The following B4GALNT1 variants were observed in gnomAD, a reference collection of about 807,000 sequenced individuals.
B4GALNT1 encodes beta-1,4-N-acetyl-galactosaminyltransferase 1, also known as beta-1,4 N-acetylgalactosaminyltransferase 1.
A neutral mutation model predicts 55.2 loss-of-function variants in B4GALNT1; 43 were observed. The ratio of observed to expected loss-of-function variants is 0.78; its 90% confidence interval spans 0.61 to 1.00. The LOEUF is 1.00. Among genes scored for constraint, B4GALNT1 ranks in the 50% least tolerant of loss-of-function variants. The pLI, the probability that B4GALNT1 is intolerant of heterozygous loss-of-function variation, is 0.00. For synonymous variants in B4GALNT1, 305 were observed against 311.6 expected (o/e 0.98, Z 0.22); for missense variants, 664 against 729.7 (o/e 0.91, Z 1.04).
Position 57,631,076 on chromosome 12 carries a change from G to C in B4GALNT1, c.394C>G (p.Pro132Ala). Reference protein sequence around the residue: ...FQAFLSRSQSPADQLLIAPAN... With the variant: ...FQAFLSRSQSAADQLLIAPAN... ...GGGGCTATGAGCAGCTGGTCAGCTG[G>C]GGACTGGCTCCTGGCAGTGGAGGAA... Residue 132 changes from proline to alanine, a missense_variant, in exon 4 of 11, where the codon CCA (proline) becomes GCA (alanine). Physicochemically the swap from Pro to Ala is conservative, Grantham distance 27 (BLOSUM62 -1). Transcript: ENST00000341156. 1.2e-6 allele frequency: 2 copies of C among 1,611,782 alleles called. No individual in the cohort carries two copies. Among genetic ancestry groups the C allele is most frequent in the Non-Finnish European group, 1.7e-6 (2 of 1,179,004 alleles).
Position 57,625,818 on chromosome 12 carries a change from G to A in B4GALNT1, c.*926C>T, listed in dbSNP as rs1884773014. On this transcript the variant is annotated 3_prime_UTR_variant, in exon 11 of 11. Coordinates refer to ENST00000341156, the MANE Select transcript of B4GALNT1 (RefSeq NM_001478.5). ...GTCTGAGGAAGATCAAGAAGAAAAG[G>A]GTGGGGACGGAATGAATAGTAGATT... The A allele has an allele frequency of 1.4e-6, 2 of 1,456,394 alleles. No individual in the cohort carries two copies. Among genetic ancestry groups the A allele is most frequent in the African/African-American group, 2.8e-5 (2 of 70,948 alleles). The allele number at this position is 1,456,394 out of a possible 1,614,324, so 90.2% of individuals were successfully genotyped here. A position where few individuals can be genotyped will look rare whatever the true frequency, so the allele number is the denominator to read the frequency against.
rs752528723 is a variant in B4GALNT1 at position 57,628,260 on chromosome 12, G to A, written c.1005C>T (p.Gly335=). 3.7e-6 allele frequency: 6 copies of A among 1,614,270 alleles called. No homozygotes were observed. Among genetic ancestry groups the A allele is most frequent in the Non-Finnish European group, 5.1e-6 (6 of 1,180,048 alleles). Residue 335 remains glycine (G), a splice_region_variant and synonymous_variant, in exon 9 of 11, where the codon GGC becomes GGT. Transcript: ENST00000341156. ...VEHYLMPFGK[G]WFAGRNLAVS... is the part of the protein sequence containing the mutation. ...CGGCCAGGTTCCGGCCTGCGAACCA[G>A]CCCTGGCAGAAAGGTGTGTGTGGTT...
intron 1 of B4GALNT1, 128 bp downstream of exon 1, chr12:57,632,644 A>T (rs1436084279): frequency 1.0e-5 from 2 of 194,752 alleles, no homozygotes; most frequent in Non-Finnish European, 2.1e-5. Flanking sequence ...AGGTGACCCG[A>T]TGAGTGGCCT....
Position 57,626,621 on chromosome 12 carries a change from T to G in B4GALNT1, c.*123A>C. On this transcript the variant is annotated 3_prime_UTR_variant, in exon 11 of 11. Transcript: ENST00000341156. ...GGCATCAGGTTCTGAAAAGGAAGAG[T>G]GAGGAACTAGAGGCTCAGGGACAGC... 2 of 1,132,584 alleles carry G rather than the reference T, an allele frequency of 1.8e-6. No homozygotes were observed. Among genetic ancestry groups the G allele is most frequent in the Non-Finnish European group, 2.6e-6 (2 of 772,166 alleles). The allele number at this position is 1,132,584 out of a possible 1,614,324, so 70.2% of individuals were successfully genotyped here.
At position 57,630,231 on chromosome 12, in the gene B4GALNT1, T is replaced by C. The variant is rs781306244; in HGVS notation, c.633A>G (p.Pro211=). Residue 211 remains proline (P), a synonymous_variant, in exon 6 of 11, where the codon CCA becomes CCG. Coordinates refer to ENST00000341156, the MANE Select transcript of B4GALNT1 (RefSeq NM_001478.5). ...GTTGCCTGTTGAGTTGGTCCAGCCC[T>C]GGGCTGACAAGGGTGAGATCTGCCT... ...EGQADLTLVS[P]GLDQLNRQLQ... The C allele has an allele frequency of 2.5e-6, 4 of 1,614,108 alleles. No homozygotes were observed. Among genetic ancestry groups the C allele is most frequent in the East Asian group, 4.5e-5 (2 of 44,900 alleles).
Position 57,625,926 on chromosome 12 carries a change from A to G in B4GALNT1, c.*818T>C, listed in dbSNP as rs1436658315. 2 of 582,140 alleles carry G rather than the reference A, an allele frequency of 3.4e-6. No individual in the cohort carries two copies. Among genetic ancestry groups the G allele is most frequent in the East Asian group, 6.2e-5 (2 of 32,362 alleles). The allele number at this position is 582,140 out of a possible 1,614,324, so 36.1% of individuals were successfully genotyped here. ...TCCCTAAGTAGGTGGGGTACCCCTG[A>G]GAGGACTGCCACATTTCATTAAGGA... On this transcript the variant is annotated 3_prime_UTR_variant, in exon 11 of 11. Coordinates refer to ENST00000341156, the MANE Select transcript of B4GALNT1 (RefSeq NM_001478.5).
intron 8 of B4GALNT1, 52 bp from the exon 9 acceptor site, chr12:57,628,314 C>G: frequency 6.2e-7 from 1 of 1,605,688 alleles, no homozygotes; most frequent in Non-Finnish European, 8.5e-7. Flanking sequence ...GGACATGGCC[C>G]TCTGCCACCT....
chr12:57,626,627 A>C lies in B4GALNT1; in HGVS notation c.*117T>G. On this transcript the variant is annotated 3_prime_UTR_variant, in exon 11 of 11. Transcript: ENST00000341156. ...AGGTTCTGAAAAGGAAGAGTGAGGA[A>C]CTAGAGGCTCAGGGACAGCCAGTAG... is the stretch of plus-strand genomic sequence containing the variant. The C allele has an allele frequency of 8.5e-7, 1 of 1,183,396 alleles. No individual in the cohort carries two copies. Among genetic ancestry groups the C allele is most frequent in the Non-Finnish European group, 1.2e-6 (1 of 812,704 alleles). The allele number at this position is 1,183,396 out of a possible 1,614,324, so 73.3% of individuals were successfully genotyped here. A position where few individuals can be genotyped will look rare whatever the true frequency, so the allele number is the denominator to read the frequency against.
In B4GALNT1 at chr12:57,628,812, G is replaced by A. The variant is rs1380836713; in HGVS notation, c.903C>T (p.Arg301=). The stretch of plus-strand genomic sequence containing the variant: ...TGACCACGGTAACCGTTGGGTAGAA[G>A]CGGCGGATACTGGTGATGAGAGCCC... The part of the protein sequence containing the change: ...RLRALITSIR[R]FYPTVTVVIA... Residue 301 remains arginine, a synonymous_variant, in exon 8 of 11, where the codon CGC becomes CGT. Coordinates refer to ENST00000341156, the MANE Select transcript of B4GALNT1 (RefSeq NM_001478.5). The A allele has an allele frequency of 5.6e-6, 9 of 1,614,120 alleles. No homozygotes were observed. The highest frequency in any genetic ancestry group is 7.6e-6 in the Non-Finnish European group (9 of 1,180,056).
At position 57,629,096 on chromosome 12, in the gene B4GALNT1, G is replaced by A. The variant is rs1368682830; in HGVS notation, c.763C>T (p.His255Tyr). 2.5e-6 allele frequency: 4 copies of A among 1,598,936 alleles called. No homozygotes were observed. Among genetic ancestry groups the A allele is most frequent in the Non-Finnish European group, 3.4e-6 (4 of 1,168,906 alleles). The change falls in exon 7 of 11, where the codon CAC becomes TAC. Residue 255 changes from histidine to tyrosine, a missense_variant. His to Tyr is a moderately conservative substitution (Grantham distance 83). Transcript: ENST00000341156. Reference protein sequence around the residue: ...HEAAFTIRIRHPPNPRLYPPG... With the variant: ...HEAAFTIRIRYPPNPRLYPPG... ...GGGTACAGCCGAGGGTTGGGCGGGT[G>A]TCTTATGCGGATAGTGAAAGCAGCC...
In B4GALNT1 at chr12:57,624,701, T is replaced by C. The variant is rs1884685316; in HGVS notation, c.*2043A>G. On this transcript the variant is annotated 3_prime_UTR_variant, in exon 11 of 11. Coordinates refer to ENST00000341156, the MANE Select transcript of B4GALNT1 (RefSeq NM_001478.5). ...CAGCCAGGCCAGGCTAAGCTGGAAA[T>C]CTGGCCCCACCTTCTTCCCTAGGGT... 2.6e-6 allele frequency: 2 copies of C among 781,622 alleles called. No homozygotes were observed. The highest frequency in any genetic ancestry group is 2.3e-6 in the Non-Finnish European group (1 of 427,242). 48.4% of individuals were successfully genotyped at this position (781,622 alleles called of 1,614,324 possible). A position where few individuals can be genotyped will look rare whatever the true frequency, so the allele number is the denominator to read the frequency against.
intron 4 of B4GALNT1, 99 bp from the exon 5 acceptor site, chr12:57,630,617 C>G (rs1474189181): frequency 7.3e-7 from 1 of 1,369,930 alleles, no homozygotes; most frequent in Admixed American, 2.5e-5. Context: ...GAGAACTTTC[C>G]ACCTATTCTT....
chr12:57,631,347 T>G lies in B4GALNT1; in HGVS notation c.236A>C (p.Asn79Thr). Residue 79 changes from asparagine (N) to threonine (T), a missense_variant, in exon 3 of 11, where the codon AAC becomes ACC. Transcript: ENST00000341156. ...CCCCCCACTGGACTCACAACTGCAG[T>G]TGTTCCAAGCCAGCAGCCTGAAGGG... is the stretch of plus-strand genomic sequence containing the variant. ...EQVVGLLAWN[N>T]CSCESSGGGL... The G allele has an allele frequency of 6.2e-7, 1 of 1,613,950 alleles. No individual in the cohort carries two copies. Among genetic ancestry groups the G allele is most frequent in the Non-Finnish European group, 8.5e-7 (1 of 1,179,940 alleles).
In B4GALNT1 at chr12:57,628,170, C is replaced by T. The variant is rs749350620; in HGVS notation, c.1095G>A (p.Thr365=). The change falls in exon 9 of 11, where the codon ACG becomes ACA. Residue 365 remains threonine (T), a synonymous_variant. Transcript: ENST00000341156. ...VDDDFVFTAR[T]RLERLVDVLE... ...GCACGTCCACAAGCCTCTCCAGCCG[C>T]GTCCGCGCCGTGAAGACGAAGTCGT... is the stretch of plus-strand genomic sequence containing the variant. 28 of 1,614,122 alleles carry T rather than the reference C, an allele frequency of 1.7e-5. No individual in the cohort carries two copies. The Admixed American group carries it at 3.8e-4, about 22-fold the overall frequency.
rs1334748200 is a variant in B4GALNT1, at chr12:57,630,395, C to T, written c.532-63G>A. ...ACCCACTTCTTGCCTCCCTGATTCG[C>T]CCATCCTTCCCTTAGTAGCCCTGCC... On this transcript the variant is annotated intron_variant, in intron 5 of 10. Transcript: ENST00000341156. 12 of 1,597,604 alleles carry T rather than the reference C, an allele frequency of 7.5e-6. No individual in the cohort carries two copies. In the East Asian group the frequency reaches 1.3e-4, roughly 18 times the overall value.
intron 6 of B4GALNT1, 172 bp downstream of exon 6, chr12:57,629,980 G>T (rs1447629191): frequency 1.9e-6 from 3 of 1,538,956 alleles, no homozygotes; most frequent in Non-Finnish European, 2.6e-6. Flanking sequence ...ATGAACAAAG[G>T]CCCCCTTTCT....
intron 6 of B4GALNT1, chr12:57,629,696 T>C: frequency 1.6e-6 from 2 of 1,285,674 alleles, no homozygotes; most frequent in Non-Finnish European, 2.0e-6. Context: ...CATTCCAGGC[T>C]GAGAAAATAG....
Position 57,624,914 on chromosome 12 carries a change from TACTTTGGGACCCG to T in B4GALNT1, c.*1817_*1829del. The T allele has an allele frequency of 6.2e-7, 1 of 1,614,158 alleles. No individual in the cohort carries two copies. The highest frequency in any genetic ancestry group is 8.5e-7 in the Non-Finnish European group (1 of 1,180,034). ...CATCCTGAGCTATCCAACACCACTG[TACTTTGGGACCCG>T]TGGGCAGTTTCGCTGCAACCTGGAG... On this transcript the variant is annotated 3_prime_UTR_variant, in exon 11 of 11. Transcript: ENST00000341156.
At chr12:57,632,231 T>G in intron 1 of B4GALNT1, 98 bp from the exon 2 acceptor site, 1 of 1,190,058 alleles carries the variant, frequency 8.4e-7, no homozygotes, top group Non-Finnish European at 1.2e-6. Context: ...TCCTGCCGGC[T>G]CCCAAGAGCG....
Sources: allele counts gnomAD v4.1 joint callset, GRCh38; gene constraint gnomAD v4.1.1; transcripts MANE v1.5; gene names NCBI Gene and HGNC (gene_info 2026-07-23, HGNC 2026-07-21).